The following STXBP6 variants were observed in gnomAD, a reference collection of about 807,000 sequenced individuals.
The protein encoded by STXBP6 is syntaxin-binding protein 6.
STXBP6 carries 21 observed loss-of-function variants against 26.9 expected under a neutral mutation model. That is an observed-to-expected ratio of 0.78 (90% CI 0.55 to 1.12). STXBP6 has a LOEUF of 1.12. Ranked by LOEUF, STXBP6 falls within the 50% of genes most tolerant of loss-of-function variation. The pLI is 0.00. For missense variants in STXBP6, 232 were observed against 257.9 expected (o/e 0.90, Z 0.69); for synonymous variants, 97 against 92.6 (o/e 1.05, Z -0.27).
intron 2 of STXBP6, among the ~76,000 whole-genome samples, chr14:24,871,830 C>A (rs979993857): frequency 1.3e-5 from 2 of 152,158 alleles, no homozygotes; most frequent in African/African-American, 4.8e-5. Context: ...AAAACATTCA[C>A]CTGACTCATC....
intron 2 of STXBP6, among the ~76,000 whole-genome samples, chr14:24,887,104 A>G (rs1325589204): frequency 6.6e-6 from 1 of 152,256 alleles, no homozygotes. Context: ...ACTTCCAGAA[A>G]TGTATAAGCT....
At chr14:24,904,148 A>C (rs1024469752) in intron 2 of STXBP6, among the ~76,000 whole-genome samples, 2 of 152,180 alleles carry the variant, frequency 1.3e-5, no homozygotes, top group African/African-American at 4.8e-5. Context: ...ACTCGCTCAT[A>C]TGAGAACCAA....
At chr14:24,898,329 T>C (rs1370876250) in intron 2 of STXBP6, among the ~76,000 whole-genome samples, 3 of 152,162 alleles carry the variant, frequency 2.0e-5, no homozygotes, top group African/African-American at 7.2e-5. Flanking sequence ...GGTAATAATA[T>C]TACTGAACCT....
chr14:25,022,408 G>A, intron 1 of STXBP6, among the ~76,000 whole-genome samples: 1 of 152,162 alleles, frequency 6.6e-6, no homozygotes, highest in East Asian at 1.9e-4. Context: ...ACTTGAATCA[G>A]AAGTCCATTC....
intron 2 of STXBP6, among the ~76,000 whole-genome samples, chr14:24,897,409 CAAAAAAAAA>C (rs34542483): frequency 2.7e-5 from 1 of 37,634 alleles, no homozygotes; most frequent in Admixed American, 2.9e-4. Flanking sequence ...GACTCTGTCT[CAAAAAAAAA>C]AAAAAAAAAG....
intron 1 of STXBP6, among the ~76,000 whole-genome samples, chr14:25,046,977 C>G (rs750642722): frequency 2.2e-4 from 34 of 152,212 alleles, no homozygotes; most frequent in Non-Finnish European, 4.1e-4. Context: ...CCAGGTCTAA[C>G]CACCATGGGA....
At chr14:24,998,186 C>T (rs767179689) in intron 1 of STXBP6, among the ~76,000 whole-genome samples, 3 of 151,994 alleles carry the variant, frequency 2.0e-5, no homozygotes, top group Non-Finnish European at 2.9e-5. Flanking sequence ...ATCAGTTGTA[C>T]TAGTTGTTGC....
intron 2 of STXBP6, among the ~76,000 whole-genome samples, chr14:24,937,833 T>TA (rs564261865): frequency 1.8e-4 from 27 of 150,862 alleles, no homozygotes; most frequent in Non-Finnish European, 3.6e-4. Flanking sequence ...GGCTGAGATT[T>TA]AAAAAAAAAA....
At chr14:24,989,389 G>A (rs1330269090) in intron 1 of STXBP6, among the ~76,000 whole-genome samples, 2 of 152,228 alleles carry the variant, frequency 1.3e-5, no homozygotes, top group East Asian at 3.8e-4. Flanking sequence ...GCCCAATGGG[G>A]CAGTAAAGCA....
At chr14:24,863,857 C>T (rs1382135878) in intron 2 of STXBP6, among the ~76,000 whole-genome samples, 3 of 152,048 alleles carry the variant, frequency 2.0e-5, no homozygotes, top group Non-Finnish European at 2.9e-5. Flanking sequence ...ATTATAGAAC[C>T]TAGTTAATAT....
rs147340137 is a variant in STXBP6, at chr14:24,823,534, T to A, written c.452-4340A>T. Among the ~76,000 whole-genome samples, 1,116 of 152,272 alleles carry A rather than the reference T, an allele frequency of 7.3e-3. 8 individuals carry two copies. The highest frequency in any genetic ancestry group is 0.012 in the Admixed American group (188 of 15,284). Reference sequence around the variant, plus strand: ...AGCAGCTACTTCTATAAAATACATATAGAGATATTTGAAATATAAAATATT... The same window carrying A: ...AGCAGCTACTTCTATAAAATACATAAAGAGATATTTGAAATATAAAATATT... On this transcript the variant is annotated intron_variant, in intron 4 of 5. Transcript: ENST00000323944.
chr14:24,973,850 G>A (rs953121339), intron 2 of STXBP6, among the ~76,000 whole-genome samples: 1 of 151,966 alleles, frequency 6.6e-6, no homozygotes, highest in Admixed American at 6.6e-5. Flanking sequence ...CTAGAAATGG[G>A]TCCAAAAACA....
chr14:24,931,515 T>C (rs1296152163), intron 2 of STXBP6, among the ~76,000 whole-genome samples: 1 of 152,206 alleles, frequency 6.6e-6, no homozygotes, highest in Admixed American at 6.5e-5. Flanking sequence ...GGTTTATTTC[T>C]TTTTGGGGAA....
intron 1 of STXBP6, among the ~76,000 whole-genome samples, chr14:25,046,258 T>C (rs865789340): frequency 4.6e-5 from 7 of 152,178 alleles, no homozygotes; most frequent in African/African-American, 1.7e-4. Flanking sequence ...AATTTTAAAA[T>C]AGAAATGTTC....
Position 25,049,246 on chromosome 14 carries a change from G to A in STXBP6, c.-33+632C>T. On this transcript the variant is annotated intron_variant, in intron 1 of 5. Coordinates refer to ENST00000323944, the MANE Select transcript of STXBP6 (RefSeq NM_001394410.1). The surrounding 1 kb of genome is among the most constrained non-coding windows in gnomAD (Gnocchi z 5.6). Reference sequence around the variant, plus strand: ...TTGCCCGGCGGTGTTGGTGAGGCTCGATGCCGGCGTGCACGGCAAGCGCGA... The same window carrying A: ...TTGCCCGGCGGTGTTGGTGAGGCTCAATGCCGGCGTGCACGGCAAGCGCGA... The A allele has an allele frequency of 1.0e-6, 1 of 985,438 alleles. No homozygotes were observed. Among genetic ancestry groups the A allele is most frequent in the Non-Finnish European group, 1.2e-6 (1 of 829,956 alleles). 61.0% of individuals were successfully genotyped at this position (985,438 alleles called of 1,614,324 possible).
chr14:24,962,725 A>G (rs1248617867), intron 2 of STXBP6, among the ~76,000 whole-genome samples: 2 of 152,188 alleles, frequency 1.3e-5, no homozygotes, highest in Non-Finnish European at 2.9e-5. Flanking sequence ...CAGAGCACTA[A>G]GCAGGGCACA....
chr14:24,879,612 C>T (rs552033157), intron 2 of STXBP6, among the ~76,000 whole-genome samples: 1 of 152,218 alleles, frequency 6.6e-6, no homozygotes, highest in African/African-American at 2.4e-5. Flanking sequence ...TATTATGGTC[C>T]TAAACCAATT....
At chr14:24,981,325 C>A (rs796974647) in intron 1 of STXBP6, among the ~76,000 whole-genome samples, 8 of 151,962 alleles carry the variant, frequency 5.3e-5, no homozygotes, top group African/African-American at 1.9e-4. Context: ...GGCTGGGGTG[C>A]AGTGGCACCA....
rs55810129 is a variant in STXBP6, at chr14:24,918,452, C to CCACACACACACA, written c.154+56201_154+56212dup. 6.8e-3 allele frequency among the ~76,000 whole-genome samples: 906 copies of CCACACACACACA among 133,448 alleles called. 16 individuals are homozygous for CCACACACACACA. The highest frequency in any genetic ancestry group is 0.021 in the East Asian group (91 of 4,298). The allele number at this position is 133,448 out of a possible 152,430, so 87.5% of individuals were successfully genotyped here. ...TTATTTCTTAAAAACCACACCCCCA[C>CCACACACACACA]CACACACACACACACACACACACAC... On this transcript the variant is annotated intron_variant, in intron 2 of 5. Coordinates refer to ENST00000323944, the MANE Select transcript of STXBP6 (RefSeq NM_001394410.1).
Sources: allele counts gnomAD v4.1 joint callset (sites outside exome capture counted in the v4.1 genomes callset), GRCh38; gene constraint gnomAD v4.1.1; non-coding constraint Gnocchi (gnomAD v3.1); transcripts MANE v1.5; gene names NCBI Gene and HGNC (gene_info 2026-07-23, HGNC 2026-07-21).